The following FAM204A variants were observed in gnomAD, a reference collection of about 807,000 sequenced individuals.
FAM204A encodes family with sequence similarity 204 member A.
In FAM204A, 16 loss-of-function variants were observed where a neutral mutation model predicts 35.4. The observed-to-expected ratio is 0.45, with a 90% CI of 0.31 to 0.69. The LOEUF (loss-of-function observed/expected upper bound fraction) is 0.69. Among genes scored for constraint, FAM204A ranks in the 30% least tolerant of loss-of-function variants. FAM204A has a pLI of 0.07. For synonymous variants in FAM204A, 76 were observed against 86.9 expected (o/e 0.88, Z 0.70); for missense variants, 240 against 265.7 (o/e 0.90, Z 0.67).
At chr10:118,312,586 A>G (rs1024212123) in intron 7 of FAM204A, among the ~76,000 whole-genome samples, 1 of 152,220 alleles carries the variant, frequency 6.6e-6, no homozygotes, top group Non-Finnish European at 1.5e-5. Context: ...ATTTTTCAGT[A>G]CAGTTAAGAA....
At chr10:118,330,987 C>T (rs888864712) in intron 6 of FAM204A, among the ~76,000 whole-genome samples, 4 of 152,136 alleles carry the variant, frequency 2.6e-5, no homozygotes, top group East Asian at 1.9e-4. Context: ...TACCTAGCCA[C>T]GTTTTTAGAA....
chr10:118,330,477 G>A (rs1457340157), intron 6 of FAM204A, among the ~76,000 whole-genome samples: 1 of 152,190 alleles, frequency 6.6e-6, no homozygotes, highest in East Asian at 1.9e-4. Context: ...TGTGGTCAAA[G>A]CTCTGGGTAA....
At position 118,326,198 on chromosome 10, in the gene FAM204A, T is replaced by C. The variant is rs373038001; in HGVS notation, c.499A>G (p.Ile167Val). Residue 167 changes from isoleucine (I) to valine (V), a missense_variant, in exon 7 of 9, where the codon ATT becomes GTT. Ile to Val is a conservative substitution (Grantham distance 29, BLOSUM62 3). Transcript: ENST00000369183. ...TTGCTGAGTTCCTCAGCCTTCTCAA[T>C]ATTCCACTCCTCCACAGCCTGGTCT... ...RIDQAVEEWN[I>V]EKAEELSNQL... The C allele has an allele frequency of 2.5e-6, 4 of 1,613,892 alleles. No homozygotes were observed. The African/African-American group carries it at 5.3e-5, about 22-fold the overall frequency.
At chr10:118,325,221 A>G (rs919301376) in intron 7 of FAM204A, among the ~76,000 whole-genome samples, 2 of 152,180 alleles carry the variant, frequency 1.3e-5, no homozygotes, top group African/African-American at 4.8e-5. Context: ...ATCCATCCAC[A>G]GTAGATATTT....
At chr10:118,329,463 C>T (rs1846254261) in intron 6 of FAM204A, among the ~76,000 whole-genome samples, 1 of 152,190 alleles carries the variant, frequency 6.6e-6, no homozygotes. Context: ...CCCTGTGCCT[C>T]TGATGTGCTT....
At chr10:118,328,494 GTTTT>G (rs35224218) in intron 6 of FAM204A, among the ~76,000 whole-genome samples, 1 of 137,672 alleles carries the variant, frequency 7.3e-6, no homozygotes, top group African/African-American at 2.7e-5. Context: ...TATGTCAACT[GTTTT>G]TTTTTTTTTT....
chr10:118,308,937 C>CA lies in FAM204A; in HGVS notation c.*1919dup, dbSNP rs1227259727. ...AAGGGAAATGCCCATATCGGGGCCCCAAGTGTGAGAATATCTATACCACTC... is the reference window on the plus strand; with the variant it reads ...AAGGGAAATGCCCATATCGGGGCCCCAAAGTGTGAGAATATCTATACCACTC... On this transcript the variant is annotated 3_prime_UTR_variant, in exon 9 of 9. Coordinates refer to ENST00000369183, the MANE Select transcript of FAM204A (RefSeq NM_022063.3). The CA allele has an allele frequency of 1.3e-5, 2 of 151,810 alleles. No homozygotes were observed. Among genetic ancestry groups the CA allele is most frequent in the Non-Finnish European group, 2.9e-5 (2 of 67,992 alleles). The allele number at this position is 151,810 out of a possible 1,614,324, so 9.4% of individuals were successfully genotyped here.
At chr10:118,329,384 AC>A (rs1407542577) in intron 6 of FAM204A, among the ~76,000 whole-genome samples, 22 of 152,072 alleles carry the variant, frequency 1.4e-4, no homozygotes, top group African/African-American at 2.4e-5. Flanking sequence ...TGCTTTCTCA[AC>A]CCCATCTTCA....
chr10:118,334,035 G>A (rs1212955510), intron 6 of FAM204A, among the ~76,000 whole-genome samples: 1 of 152,054 alleles, frequency 6.6e-6, no homozygotes, highest in Non-Finnish European at 1.5e-5. Context: ...TCTACCACTC[G>A]GCACTTGATT....
intron 7 of FAM204A, among the ~76,000 whole-genome samples, chr10:118,313,542 T>A (rs981180540): frequency 2.0e-5 from 3 of 152,236 alleles, no homozygotes; most frequent in African/African-American, 7.2e-5. Flanking sequence ...CTGTAAATCA[T>A]AGCTGGCTAC....
intron 7 of FAM204A, among the ~76,000 whole-genome samples, chr10:118,320,450 T>G (rs1846096102): frequency 6.6e-6 from 1 of 151,922 alleles, no homozygotes; most frequent in Non-Finnish European, 1.5e-5. Flanking sequence ...TACCAAAGCG[T>G]GGCATTTTCA....
Position 118,311,024 on chromosome 10 carries a change from G to T in FAM204A, c.651-116C>A, listed in dbSNP as rs539733574. The stretch of plus-strand genomic sequence containing the variant: ...ACAAAAATTTTTCACATACTCCAAT[G>T]ATTACAAAATAAACATTAAACAGGA... On this transcript the variant is annotated intron_variant, in intron 8 of 8. Transcript: ENST00000369183. The T allele has an allele frequency of 6.4e-6, 7 of 1,088,770 alleles. No individual in the cohort carries two copies. The East Asian group carries it at 1.5e-4, about 23-fold the overall frequency. The allele number at this position is 1,088,770 out of a possible 1,614,324, so 67.4% of individuals were successfully genotyped here. A position where few individuals can be genotyped will look rare whatever the true frequency, so the allele number is the denominator to read the frequency against.
rs202081841 is a variant in FAM204A at position 118,336,359 on chromosome 10, C to G, written c.57G>C (p.Ser19=). The G allele has an allele frequency of 3.6e-5, 58 of 1,613,702 alleles. No individual in the cohort carries two copies. Among genetic ancestry groups the G allele is most frequent in the Non-Finnish European group, 4.8e-5 (57 of 1,179,812 alleles). The change falls in exon 3 of 9, where the codon TCG becomes TCC. Residue 19 remains serine, a synonymous_variant. Transcript: ENST00000369183. ...AGTTCTCCAACGTAGCTTCATCTTCCGAGTTTGACTCAGCGTCACTTTCAT... is the reference window on the plus strand; with the variant it reads ...AGTTCTCCAACGTAGCTTCATCTTCGGAGTTTGACTCAGCGTCACTTTCAT... ...GLNESDAESN[S]EDEATLENSG...
intron 7 of FAM204A, among the ~76,000 whole-genome samples, chr10:118,316,401 T>C (rs1393571477): frequency 2.0e-5 from 3 of 152,116 alleles, no homozygotes; most frequent in African/African-American, 7.2e-5. Context: ...CCCTCCATGG[T>C]CACACCTGAG....
chr10:118,318,097 T>C (rs1846058811), intron 7 of FAM204A, among the ~76,000 whole-genome samples: 2 of 151,952 alleles, frequency 1.3e-5, no homozygotes, highest in South Asian at 2.1e-4. Context: ...AAAAAGAAAA[T>C]GGTCTCCTAT....
At chr10:118,321,833 C>T (rs990377068) in intron 7 of FAM204A, among the ~76,000 whole-genome samples, 1 of 151,490 alleles carries the variant, frequency 6.6e-6, no homozygotes, top group South Asian at 2.1e-4. Context: ...TCAAACTGCA[C>T]ATAGAAAGGA....
At chr10:118,335,484 T>C (rs1846368079) in intron 4 of FAM204A, 58 bp from the exon 5 acceptor site, 1 of 1,595,860 alleles carries the variant, frequency 6.3e-7, no homozygotes, top group East Asian at 2.2e-5. Context: ...AACCATATTT[T>C]AAAAAAATGG....
Position 118,306,919 on chromosome 10 carries a change from G to C in FAM204A, c.*3938C>G, listed in dbSNP as rs1451104576. 6.6e-6 allele frequency: 1 copy of C among 152,128 alleles called. No individual in the cohort carries two copies. The highest frequency in any genetic ancestry group is 6.5e-5 in the Admixed American group (1 of 15,272). The allele number at this position is 152,128 out of a possible 1,614,324, so 9.4% of individuals were successfully genotyped here. The stretch of plus-strand genomic sequence containing the variant: ...TCTTTTAAAGCAAGCAGTGTGGAGG[G>C]AGGATGAAATAATAAAGATTAAAGA... On this transcript the variant is annotated 3_prime_UTR_variant, in exon 9 of 9. Coordinates refer to ENST00000369183, the MANE Select transcript of FAM204A (RefSeq NM_022063.3).
intron 3 of FAM204A, 49 bp downstream of exon 3, chr10:118,336,133 C>T (rs768210648): frequency 1.9e-6 from 3 of 1,583,246 alleles, no homozygotes; most frequent in Non-Finnish European, 2.6e-6. Flanking sequence ...CACACAGAGG[C>T]ATGTGCACAC....
Sources: allele counts gnomAD v4.1 joint callset (sites outside exome capture counted in the v4.1 genomes callset), GRCh38; gene constraint gnomAD v4.1.1; transcripts MANE v1.5; gene names NCBI Gene and HGNC (gene_info 2026-07-23, HGNC 2026-07-21).